The following FANCL variants were observed in gnomAD, a reference collection of about 807,000 sequenced individuals.
FANCL encodes the protein E3 ubiquitin-protein ligase FANCL.
Under a neutral mutation model 59.4 loss-of-function variants are expected in FANCL, and 69 were observed. The ratio of observed to expected loss-of-function variants is 1.16; its 90% CI spans 0.96 to 1.42. FANCL has a LOEUF of 1.42. Ranked by LOEUF, FANCL falls within the 40% of genes most tolerant of loss-of-function variation. FANCL has a pLI of 0.00. For missense variants in FANCL, 519 were observed against 447.2 expected, an observed-to-expected ratio of 1.16 and a Z score of -1.45; for synonymous variants, 180 against 147.1, an observed-to-expected ratio of 1.22 and a Z score of -1.62.
chr2:58,222,271 A>C (rs1453343690), intron 4 of FANCL, among the ~76,000 whole-genome samples: 1 of 152,100 alleles, frequency 6.6e-6, no homozygotes, highest in Non-Finnish European at 1.5e-5. Flanking sequence ...CATGAAAATA[A>C]CTTGAGATTT....
intron 8 of FANCL, among the ~76,000 whole-genome samples, chr2:58,165,507 T>C (rs568949752): frequency 5.9e-5 from 9 of 152,306 alleles, no homozygotes; most frequent in East Asian, 1.9e-4. Context: ...GTTACCTCCA[T>C]TGGATCATCA....
chr2:58,167,880 A>G (rs558102386), intron 7 of FANCL, among the ~76,000 whole-genome samples: 44 of 152,296 alleles, frequency 2.9e-4, no homozygotes, highest in African/African-American at 1.1e-3. Context: ...CAAAACTATT[A>G]TATCAGTAAG....
At chr2:58,175,022 T>A (rs892608919) in intron 7 of FANCL, among the ~76,000 whole-genome samples, 1 of 151,922 alleles carries the variant, frequency 6.6e-6, no homozygotes, top group Admixed American at 6.6e-5. Context: ...GCAAATAAAC[T>A]AGAAAATCTA....
chr2:58,227,304 AC>A, intron 3 of FANCL, among the ~76,000 whole-genome samples: 1 of 152,052 alleles, frequency 6.6e-6, no homozygotes, highest in East Asian at 1.9e-4. Context: ...GCTCAATTAG[AC>A]CCCTGCCTTA....
At chr2:58,164,493 C>T (rs1205110911) in intron 8 of FANCL, among the ~76,000 whole-genome samples, 1 of 151,958 alleles carries the variant, frequency 6.6e-6, no homozygotes, top group Non-Finnish European at 1.5e-5. Context: ...CTGGTAATGG[C>T]TCCAGACAGT....
rs1689443295 is a variant in FANCL at position 58,196,575 on chromosome 2, TATGA to T, written c.540+2015_540+2018del. On this transcript the variant is annotated intron_variant, in intron 7 of 13. Coordinates refer to ENST00000233741, the MANE Select transcript of FANCL (RefSeq NM_018062.4). ...TAATATAATATTTATTCCATGCTTA[TATGA>T]ATAAGGCACTGAGCATGTGGATATA... is the stretch of plus-strand genomic sequence containing the variant. Among the ~76,000 whole-genome samples the T allele has an allele frequency of 2.0e-5, 3 of 151,972 alleles. No homozygotes were observed. The South Asian group carries it at 6.2e-4, about 31-fold the overall frequency.
Position 58,226,359 on chromosome 2 carries a change from T to A in FANCL, c.273+369A>T, listed in dbSNP as rs1032881457. ...TGAAGCCTAATAAGTTTTTCAGATA[T>A]CTGTAGCTATACACAAAATTATTTA... is the stretch of plus-strand genomic sequence containing the variant. On this transcript the variant is annotated intron_variant, in intron 4 of 13. Coordinates refer to ENST00000233741, the MANE Select transcript of FANCL (RefSeq NM_018062.4). Among the ~76,000 whole-genome samples, 8 of 152,198 alleles carry A rather than the reference T, an allele frequency of 5.3e-5. No individual in the cohort carries two copies. In the East Asian group the frequency reaches 5.8e-4, roughly 11 times the overall value.
At chr2:58,187,331 C>G (rs979124112) in intron 7 of FANCL, among the ~76,000 whole-genome samples, 1 of 149,322 alleles carries the variant, frequency 6.7e-6, no homozygotes, top group Non-Finnish European at 1.5e-5. Context: ...AACCAAACAC[C>G]GCATGTTCTC....
At chr2:58,189,088 C>G (rs1688681017) in intron 7 of FANCL, among the ~76,000 whole-genome samples, 1 of 151,992 alleles carries the variant, frequency 6.6e-6, no homozygotes, top group Non-Finnish European at 1.5e-5. Context: ...TTGCCTGAGG[C>G]CCTGGTGGAA....
Position 58,229,853 on chromosome 2 carries a change from C to G in FANCL, c.177G>C (p.Leu59=). The G allele has an allele frequency of 6.2e-7, 1 of 1,610,952 alleles. No individual in the cohort carries two copies. The highest frequency in any genetic ancestry group is 1.3e-5 in the African/African-American group (1 of 74,976). Residue 59 remains leucine (L), a synonymous_variant, in exon 3 of 14, where the codon CTG becomes CTC. Transcript: ENST00000233741. ...GATGGTATCCACTAAGTATTGTTCT[C>G]AGCTGCCAACTACATAATAATCTAA... ...KNARLLCSWQ[L]RTILSGYHRI...
At chr2:58,168,806 C>T (rs994336435) in intron 7 of FANCL, among the ~76,000 whole-genome samples, 1 of 151,972 alleles carries the variant, frequency 6.6e-6, no homozygotes, top group Non-Finnish European at 1.5e-5. Flanking sequence ...CGTGGTTTAC[C>T]CCTCACAGTG....
At chr2:58,182,255 C>A (rs553287804) in intron 7 of FANCL, among the ~76,000 whole-genome samples, 1 of 151,746 alleles carries the variant, frequency 6.6e-6, no homozygotes, top group South Asian at 2.1e-4. Flanking sequence ...TTCTATTCCA[C>A]CCATTCCTTT....
rs72948841 is a variant in FANCL at position 58,184,555 on chromosome 2, G to A, written c.540+14039C>T. On this transcript the variant is annotated intron_variant, in intron 7 of 13. Coordinates refer to ENST00000233741, the MANE Select transcript of FANCL (RefSeq NM_018062.4). ...GATCTGCTAATCAAAGCAAAATGCCGTCTGTTTTGTGCATACATACAATAA... is the reference window on the plus strand; with the variant it reads ...GATCTGCTAATCAAAGCAAAATGCCATCTGTTTTGTGCATACATACAATAA... 2.2e-3 allele frequency among the ~76,000 whole-genome samples: 332 copies of A among 152,050 alleles called. 1 individual carries two copies. The highest frequency in any genetic ancestry group is 7.3e-3 in the African/African-American group (304 of 41,508).
intron 5 of FANCL, among the ~76,000 whole-genome samples, chr2:58,209,379 G>C (rs188238175): frequency 4.0e-5 from 6 of 151,838 alleles, no homozygotes; most frequent in Admixed American, 2.0e-4. Flanking sequence ...AGAAAAACAT[G>C]ATTTTTTTTT....
chr2:58,232,640 T>G (rs1693688887), intron 1 of FANCL, among the ~76,000 whole-genome samples: 1 of 152,050 alleles, frequency 6.6e-6, no homozygotes, highest in South Asian at 2.1e-4. Context: ...CAGAGTATAT[T>G]TAATTCTCCC....
At chr2:58,168,812 C>G (rs367932442) in intron 7 of FANCL, among the ~76,000 whole-genome samples, 1 of 152,126 alleles carries the variant, frequency 6.6e-6, no homozygotes, top group Non-Finnish European at 1.5e-5. Flanking sequence ...TTACCCCTCA[C>G]AGTGTATACA....
intron 7 of FANCL, among the ~76,000 whole-genome samples, chr2:58,167,425 GTT>G (rs1686067825): frequency 2.0e-5 from 3 of 151,936 alleles, no homozygotes; most frequent in African/African-American, 7.3e-5. Flanking sequence ...TTCTCTGTCT[GTT>G]TCTACATGTG....
intron 7 of FANCL, among the ~76,000 whole-genome samples, chr2:58,170,354 C>T (rs1273671364): frequency 1.3e-5 from 2 of 152,158 alleles, no homozygotes. Flanking sequence ...CTTGTCACCA[C>T]CAGGCCTGCC....
intron 7 of FANCL, among the ~76,000 whole-genome samples, chr2:58,185,331 C>T (rs1055241814): frequency 1.3e-5 from 2 of 152,110 alleles, no homozygotes; most frequent in Admixed American, 6.6e-5. Flanking sequence ...GTTCCGTATA[C>T]GGGCTTGTCC....
Sources: gnomAD v4.1 joint callset for allele counts (sites outside exome capture counted in the v4.1 genomes callset) on GRCh38, gnomAD v4.1.1 for gene constraint, MANE v1.5 for transcripts, NCBI Gene and HGNC (gene_info 2026-07-23, HGNC 2026-07-21) for gene names.